Variants in EPHA5 observed in about 807,000 individuals in gnomAD.
EPHA5 encodes EPH receptor A5.
Under a neutral mutation model 105.0 loss-of-function variants are expected in EPHA5, and 60 were observed. The observed-to-expected ratio is 0.57, with a 90% CI of 0.46 to 0.71. EPHA5 has a LOEUF of 0.71. EPHA5 is among the 30% of genes least tolerant of loss of function. EPHA5 has a pLI of 0.00. For synonymous variants in EPHA5, 513 were observed against 449.1 expected (o/e 1.14, Z -1.80); for missense variants, 1,218 against 1,274.7 (o/e 0.96, Z 0.68).
intron 3 of EPHA5, among the ~76,000 whole-genome samples, chr4:65,515,399 A>T (rs998797160): frequency 6.6e-5 from 10 of 151,992 alleles, no homozygotes; most frequent in Non-Finnish European, 1.5e-4. Context: ...TAAAATTTTA[A>T]CTCTGGTTGT....
intron 2 of EPHA5, among the ~76,000 whole-genome samples, chr4:65,632,332 G>T (rs1746715294): frequency 1.3e-5 from 2 of 151,930 alleles, no homozygotes; most frequent in Non-Finnish European, 1.5e-5. Flanking sequence ...ACAACTCTAG[G>T]AGACATCATT....
At chr4:65,334,555 T>A (rs932748498) in intron 15 of EPHA5, among the ~76,000 whole-genome samples, 5 of 151,704 alleles carry the variant, frequency 3.3e-5, no homozygotes, top group Admixed American at 1.3e-4. Flanking sequence ...GTGACATAGG[T>A]AGGGATGGAG....
chr4:65,405,749 T>C (rs1722295596), intron 7 of EPHA5, among the ~76,000 whole-genome samples: 1 of 152,158 alleles, frequency 6.6e-6, no homozygotes, highest in Non-Finnish European at 1.5e-5. Flanking sequence ...TCTCTGACGC[T>C]AAGGTCTATG....
intron 3 of EPHA5, among the ~76,000 whole-genome samples, chr4:65,510,478 T>C (rs530441194): frequency 9.9e-5 from 15 of 152,260 alleles, no homozygotes; most frequent in African/African-American, 3.6e-4. Flanking sequence ...AACTTTGAGG[T>C]CACATAGACT....
intron 1 of EPHA5, among the ~76,000 whole-genome samples, chr4:65,644,753 T>A (rs921927960): frequency 6.6e-6 from 1 of 151,988 alleles, no homozygotes; most frequent in Non-Finnish European, 1.5e-5. Flanking sequence ...AACATGCATA[T>A]CTTATAAACC....
chr4:65,429,586 A>T (rs1438460797), intron 5 of EPHA5, among the ~76,000 whole-genome samples: 1 of 152,184 alleles, frequency 6.6e-6, no homozygotes, highest in African/African-American at 2.4e-5. Flanking sequence ...TCATAAATAT[A>T]GAGAACCTAT....
At chr4:65,458,073 CAAAAAAAAAAAAAAA>C (rs10565968) in intron 5 of EPHA5, among the ~76,000 whole-genome samples, 3 of 72,572 alleles carry the variant, frequency 4.1e-5, no homozygotes, top group Admixed American at 2.1e-4. Context: ...CACTCCATCC[CAAAAAAAAAAAAAAA>C]AAAAAAAAAA....
rs1487277340 is a variant in EPHA5, at chr4:65,666,399, C to A, written c.181+3163G>T. 2.6e-5 allele frequency among the ~76,000 whole-genome samples: 4 copies of A among 152,288 alleles called. No individual in the cohort carries two copies. The East Asian group carries it at 7.7e-4, about 29-fold the overall frequency. On this transcript the variant is annotated intron_variant, in intron 1 of 16. Transcript: ENST00000613740. ...GGCCAAGAATCCCTGCTGTGAAAAG[C>A]ACTTGTCAAATAATGCTTGTTTACA...
At chr4:65,464,151 C>T (rs969066422) in intron 5 of EPHA5, among the ~76,000 whole-genome samples, 6 of 151,550 alleles carry the variant, frequency 4.0e-5, no homozygotes, top group South Asian at 4.2e-4. Context: ...CAAGCATGTA[C>T]AAAATAAAGT....
At chr4:65,450,006 T>C (rs1423693378) in intron 5 of EPHA5, among the ~76,000 whole-genome samples, 5 of 152,176 alleles carry the variant, frequency 3.3e-5, no homozygotes, top group African/African-American at 4.8e-5. Flanking sequence ...TGGTCCTTTG[T>C]TATGTCAACT....
In EPHA5 at chr4:65,606,521, T is replaced by C. The variant is rs1744245198; in HGVS notation, c.247-4217A>G. Among the ~76,000 whole-genome samples the C allele has an allele frequency of 2.0e-5, 3 of 152,196 alleles. No individual in the cohort carries two copies. In the South Asian group the frequency reaches 6.2e-4, roughly 31 times the overall value. ...AGATTAAAAATTAGTTTGGTAATTC[T>C]TAATTAAAAACACTAAGTATTTATT... On this transcript the variant is annotated intron_variant, in intron 2 of 16. Transcript: ENST00000613740.
chr4:65,579,381 T>TAA (rs1741388992), intron 3 of EPHA5, among the ~76,000 whole-genome samples: 1 of 136,776 alleles, frequency 7.3e-6, no homozygotes, highest in African/African-American at 2.7e-5. Context: ...TATATAAATA[T>TAA]ATATATATAA....
intron 3 of EPHA5, among the ~76,000 whole-genome samples, chr4:65,504,934 T>C (rs1032505491): frequency 2.0e-5 from 3 of 152,112 alleles, no homozygotes; most frequent in African/African-American, 7.2e-5. Context: ...CGTTTTTATT[T>C]TACTTAAGAT....
intron 5 of EPHA5, among the ~76,000 whole-genome samples, chr4:65,474,214 T>C (rs1187069459): frequency 2.6e-5 from 4 of 152,136 alleles, no homozygotes; most frequent in Non-Finnish European, 5.9e-5. Context: ...GAATATACTG[T>C]AGATGACAGA....
intron 7 of EPHA5, among the ~76,000 whole-genome samples, chr4:65,408,783 G>A (rs1026306623): frequency 6.6e-5 from 10 of 151,744 alleles, no homozygotes; most frequent in Admixed American, 2.6e-4. Flanking sequence ...TCAGTGTGGC[G>A]ATTCCTCAGG....
In EPHA5 at chr4:65,332,106, G is replaced by C. The variant is rs200305031; in HGVS notation, c.2812C>G (p.His938Asp). ...TAGGCCCCAGATCCTAGTGGGCTAT[G>C]TTCTGCCAATAAATTAGATACTCTA... The part of the protein sequence containing the change: ...SCRVSNLLAE[H>D]SPLGSGAYRS... The change falls in exon 16 of 17, where the codon CAT becomes GAT. Residue 938 changes from histidine to aspartate, a missense_variant. His to Asp is a moderately conservative substitution (Grantham distance 81). This residue lies in a region of EPHA5 where 971 missense variants were observed against 1,013.5 expected (regional missense o/e 0.96). Coordinates refer to ENST00000613740, the MANE Select transcript of EPHA5 (RefSeq NM_001281766.3). The C allele has an allele frequency of 4.3e-5, 69 of 1,602,560 alleles. No individual in the cohort carries two copies. The highest frequency in any genetic ancestry group is 5.7e-5 in the Non-Finnish European group (67 of 1,175,474).
At chr4:65,647,082 A>G (rs1167980375) in intron 1 of EPHA5, among the ~76,000 whole-genome samples, 1 of 152,074 alleles carries the variant, frequency 6.6e-6, no homozygotes, top group Non-Finnish European at 1.5e-5. Flanking sequence ...TAATCCCAGC[A>G]CTTTGGGAGG....
intron 8 of EPHA5, among the ~76,000 whole-genome samples, chr4:65,386,697 T>G (rs2148943857): frequency 6.6e-6 from 1 of 152,048 alleles, no homozygotes; most frequent in African/African-American, 2.4e-5. Context: ...TTTATATTGT[T>G]ATGTTAAGTA....
At chr4:65,623,874 G>T (rs931124426) in intron 2 of EPHA5, among the ~76,000 whole-genome samples, 1 of 152,136 alleles carries the variant, frequency 6.6e-6, no homozygotes, top group Non-Finnish European at 1.5e-5. Flanking sequence ...GGAATTAAAT[G>T]CTTTAACAAT....
Sources: gnomAD v4.1 joint callset for allele counts (sites outside exome capture counted in the v4.1 genomes callset) on GRCh38, gnomAD v4.1.1 for gene constraint, gnomAD v4.1.1 regional missense constraint, MANE v1.5 for transcripts, NCBI Gene and HGNC (gene_info 2026-07-23, HGNC 2026-07-21) for gene names.